The following KIAA0825 variants were observed in gnomAD, a reference collection of about 807,000 sequenced individuals.
KIAA0825 encodes the protein uncharacterized protein KIAA0825.
KIAA0825 carries 119 observed loss-of-function variants against 147.6 expected under a neutral mutation model. The ratio of observed to expected loss-of-function variants is 0.81; its 90% CI spans 0.69 to 0.94. The LOEUF (loss-of-function observed/expected upper bound fraction) is 0.94. Ranked by LOEUF, KIAA0825 falls within the 40% of genes least tolerant of loss-of-function variation. The pLI is 0.00. For missense variants in KIAA0825, 1,381 were observed against 1,472.7 expected (o/e 0.94, Z 1.02); for synonymous variants, 470 against 518.1 (o/e 0.91, Z 1.26).
At chr5:94,353,524 T>C (rs932955385) in intron 20 of KIAA0825, among the ~76,000 whole-genome samples, 2 of 152,212 alleles carry the variant, frequency 1.3e-5, no homozygotes, top group East Asian at 1.9e-4. Flanking sequence ...TTGGGGGGTA[T>C]ATAATTACTA....
intron 20 of KIAA0825, among the ~76,000 whole-genome samples, chr5:94,205,368 C>T (rs1173376641): frequency 6.7e-6 from 1 of 148,706 alleles, no homozygotes; most frequent in Non-Finnish European, 1.5e-5. Flanking sequence ...GTGGCGTGAT[C>T]TCGGCTCACT....
At chr5:94,353,330 T>C (rs1268406130) in intron 20 of KIAA0825, among the ~76,000 whole-genome samples, 1 of 152,212 alleles carries the variant, frequency 6.6e-6, no homozygotes, top group Non-Finnish European at 1.5e-5. Context: ...CTGGGTATCA[T>C]ACAAATGCTT....
chr5:94,506,057 A>T (rs1157198626), intron 5 of KIAA0825, among the ~76,000 whole-genome samples: 1 of 152,220 alleles, frequency 6.6e-6, no homozygotes, highest in African/African-American at 2.4e-5. Context: ...CTACTATTGC[A>T]CACTTCATAA....
rs1243184551 is a variant in KIAA0825 at position 94,295,364 on chromosome 5, A to G, written c.3710+89004T>C. Reference sequence around the variant, plus strand: ...ATTAGCTTCCCTGCATTGGGTTAGAACAAGCTCCTTTAGCTCAGAGGAGTT... The same window carrying G: ...ATTAGCTTCCCTGCATTGGGTTAGAGCAAGCTCCTTTAGCTCAGAGGAGTT... On this transcript the variant is annotated intron_variant, in intron 20 of 20. Coordinates refer to ENST00000682413, the MANE Select transcript of KIAA0825 (RefSeq NM_001145678.3). Among the ~76,000 whole-genome samples the G allele has an allele frequency of 2.6e-5, 4 of 152,020 alleles. No individual in the cohort carries two copies. The East Asian group carries it at 7.8e-4, about 29-fold the overall frequency.
intron 20 of KIAA0825, among the ~76,000 whole-genome samples, chr5:94,163,864 C>G (rs1767793332): frequency 6.6e-6 from 1 of 152,050 alleles, no homozygotes; most frequent in Non-Finnish European, 1.5e-5. Context: ...AGCATAAACT[C>G]TGGGAAACTG....
At chr5:94,421,417 A>G (rs1023414192) in intron 14 of KIAA0825, among the ~76,000 whole-genome samples, 2 of 152,154 alleles carry the variant, frequency 1.3e-5, no homozygotes, top group Admixed American at 6.6e-5. Flanking sequence ...CAAATTATCC[A>G]TCTCTGGCTC....
chr5:94,439,911 G>A, intron 14 of KIAA0825, 71 bp downstream of exon 14: 2 of 1,451,636 alleles, frequency 1.4e-6, no homozygotes, highest in African/African-American at 1.4e-5. Context: ...GTTTGCCTAG[G>A]AAAAAAATGT....
intron 2 of KIAA0825, among the ~76,000 whole-genome samples, chr5:94,573,764 G>A (rs1455630578): frequency 6.6e-6 from 1 of 152,172 alleles, no homozygotes; most frequent in African/African-American, 2.4e-5. Flanking sequence ...AGGCCTTGCA[G>A]GGCCATTTAA....
chr5:94,462,580 G>T lies in KIAA0825; in HGVS notation c.2064-11C>A, dbSNP rs201590524. The T allele has an allele frequency of 1.1e-4, 154 of 1,452,204 alleles. No homozygotes were observed. The highest frequency in any genetic ancestry group is 3.1e-4 in the Admixed American group (11 of 35,866). 90.0% of individuals were successfully genotyped at this position (1,452,204 alleles called of 1,614,324 possible). ...GTTGTGACATCAAGTCTGTTGGAAA[G>T]AAAGAAAAGAAAATCATGTTAAACA... On this transcript the variant is annotated splice_polypyrimidine_tract_variant and intron_variant, in intron 11 of 20. Transcript: ENST00000682413.
chr5:94,488,234 T>C (rs941517688), intron 5 of KIAA0825, among the ~76,000 whole-genome samples: 1 of 152,176 alleles, frequency 6.6e-6, no homozygotes, highest in Non-Finnish European at 1.5e-5. Context: ...GAGTTCTTCT[T>C]CCCCCACTAA....
chr5:94,162,882 T>C (rs1184228755), intron 20 of KIAA0825, among the ~76,000 whole-genome samples: 4 of 152,224 alleles, frequency 2.6e-5, no homozygotes, highest in Non-Finnish European at 5.9e-5. Flanking sequence ...CAAGTGTTAC[T>C]ATGTTATTCT....
chr5:94,500,005 G>A (rs1265326712), intron 5 of KIAA0825, among the ~76,000 whole-genome samples: 1 of 152,162 alleles, frequency 6.6e-6, no homozygotes, highest in Non-Finnish European at 1.5e-5. Context: ...GGATCAAAAG[G>A]AATTAGGCAA....
intron 12 of KIAA0825, among the ~76,000 whole-genome samples, chr5:94,454,872 A>AT (rs1202749932): frequency 2.0e-5 from 3 of 152,194 alleles, no homozygotes; most frequent in African/African-American, 7.2e-5. Context: ...GTAGTAGACA[A>AT]ATATAAAACA....
intron 20 of KIAA0825, among the ~76,000 whole-genome samples, chr5:94,234,379 A>G (rs1774919542): frequency 1.3e-5 from 2 of 151,190 alleles, no homozygotes; most frequent in African/African-American, 4.9e-5. Context: ...TCAAAAAAAA[A>G]TAAAAATAAA....
intron 20 of KIAA0825, among the ~76,000 whole-genome samples, chr5:94,186,258 T>C (rs560193099): frequency 7.2e-5 from 11 of 152,354 alleles, no homozygotes; most frequent in African/African-American, 2.6e-4. Flanking sequence ...CATATAAGTT[T>C]AGTTTATTTT....
At chr5:94,506,514 T>G (rs1765756621) in intron 5 of KIAA0825, among the ~76,000 whole-genome samples, 1 of 152,212 alleles carries the variant, frequency 6.6e-6, no homozygotes, top group Admixed American at 6.5e-5. Context: ...GTTTTTCACT[T>G]TTACATTATT....
intron 20 of KIAA0825, among the ~76,000 whole-genome samples, chr5:94,354,187 A>C (rs1358870349): frequency 6.6e-6 from 1 of 152,222 alleles, no homozygotes; most frequent in Non-Finnish European, 1.5e-5. Flanking sequence ...AAGAATTCCC[A>C]GGAGAACATT....
chr5:94,337,942 A>T (rs1445516125), intron 20 of KIAA0825, among the ~76,000 whole-genome samples: 1 of 152,230 alleles, frequency 6.6e-6, no homozygotes, highest in Non-Finnish European at 1.5e-5. Context: ...AGAAGAACAG[A>T]GGCCAGTTAC....
At chr5:94,420,489 T>C (rs1167393169) in intron 14 of KIAA0825, among the ~76,000 whole-genome samples, 1 of 152,182 alleles carries the variant, frequency 6.6e-6, no homozygotes, top group Admixed American at 6.6e-5. Flanking sequence ...GTATATGGTA[T>C]GTGGTAATGT....
Sources: gnomAD v4.1 joint callset for allele counts (sites outside exome capture counted in the v4.1 genomes callset) on GRCh38, gnomAD v4.1.1 for gene constraint, MANE v1.5 for transcripts, NCBI Gene and HGNC (gene_info 2026-07-23, HGNC 2026-07-21) for gene names.